LHFPL3: variants seen among roughly 807,000 people sequenced by gnomAD.
LHFPL3 encodes the protein LHFPL tetraspan subfamily member 3 protein.
LHFPL3 carries 5 observed loss-of-function variants against 19.3 expected under a neutral mutation model. The observed-to-expected ratio is 0.26, with a 90% CI of 0.14 to 0.54. The LOEUF (loss-of-function observed/expected upper bound fraction) is 0.54, where lower values mean the gene tolerates loss of function less well. Among genes scored for constraint, LHFPL3 ranks in the 20% least tolerant of loss-of-function variants. LHFPL3 has a pLI of 0.94. For synonymous variants in LHFPL3, 133 were observed against 126.2 expected, an observed-to-expected ratio of 1.05 and a Z score of -0.36; for missense variants, 249 against 307.4, an observed-to-expected ratio of 0.81 and a Z score of 1.42.
Position 104,583,820 on chromosome 7 carries a change from G to C in LHFPL3, c.446-152855G>C, listed in dbSNP as rs371254362. On this transcript the variant is annotated intron_variant, in intron 1 of 2. Coordinates refer to ENST00000424859, the MANE Select transcript of LHFPL3 (RefSeq NM_199000.3). ...AAGTCAGGAAACAACAGGTGCTGGA[G>C]AGGATGTGGAGAAATAGGAACACTT... Among the ~76,000 whole-genome samples the C allele has an allele frequency of 1.8e-3, 279 of 151,574 alleles. 2 individuals carry two copies. Among genetic ancestry groups the C allele is most frequent in the South Asian group, 8.4e-3 (40 of 4,756 alleles).
chr7:104,830,175 GTTGT>G lies in LHFPL3; in HGVS notation c.683-76005_683-76002del, dbSNP rs1220099972. 3.5e-4 allele frequency among the ~76,000 whole-genome samples: 53 copies of G among 151,970 alleles called. 2 individuals carry two copies. The South Asian group carries it at 5.2e-3, about 15-fold the overall frequency. ...TATCCTTTGCCCACTTTTTGATGGG[GTTGT>G]TTGTTTTTTTCTTGTAAATTTGTTT... On this transcript the variant is annotated intron_variant, in intron 2 of 2. Transcript: ENST00000424859.
chr7:104,808,095 T>G (rs1052297175), intron 2 of LHFPL3, among the ~76,000 whole-genome samples: 2 of 152,142 alleles, frequency 1.3e-5, no homozygotes, highest in Non-Finnish European at 2.9e-5. Flanking sequence ...AGTATTTGAC[T>G]CTCAACCTAC....
At chr7:104,558,746 T>C (rs1318823577) in intron 1 of LHFPL3, among the ~76,000 whole-genome samples, 4 of 149,534 alleles carry the variant, frequency 2.7e-5, no homozygotes, top group Non-Finnish European at 5.9e-5. Context: ...AGACATGAAG[T>C]CCTTGCCCAT....
At chr7:104,641,626 T>C (rs1791835778) in intron 1 of LHFPL3, among the ~76,000 whole-genome samples, 1 of 152,188 alleles carries the variant, frequency 6.6e-6, no homozygotes, top group Admixed American at 6.5e-5. Flanking sequence ...CTTTAGTGGA[T>C]AGTCACTCTG....
At chr7:104,826,814 T>TAGA in intron 2 of LHFPL3, 1 of 156,602 alleles carries the variant, frequency 6.4e-6, no homozygotes, top group Middle Eastern at 2.7e-3. Flanking sequence ...TCTACTTTGG[T>TAGA]GACTCTGGAA....
intron 1 of LHFPL3, among the ~76,000 whole-genome samples, chr7:104,560,130 T>A (rs1229957180): frequency 5.6e-5 from 8 of 143,590 alleles, no homozygotes; most frequent in Non-Finnish European, 1.2e-4. Flanking sequence ...AGGATATTGG[T>A]CTAAAATTCT....
At chr7:104,523,216 C>T (rs969377044) in intron 1 of LHFPL3, among the ~76,000 whole-genome samples, 1 of 152,006 alleles carries the variant, frequency 6.6e-6, no homozygotes, top group Admixed American at 6.6e-5. Flanking sequence ...ATCCTAGAAC[C>T]CTTGCCATGT....
intron 1 of LHFPL3, among the ~76,000 whole-genome samples, chr7:104,726,153 A>G (rs1292132293): frequency 6.6e-6 from 1 of 151,674 alleles, no homozygotes; most frequent in Non-Finnish European, 1.5e-5. Context: ...ATATGAACCC[A>G]TCTTTAACTA....
At chr7:104,572,130 G>T (rs1790241976) in intron 1 of LHFPL3, among the ~76,000 whole-genome samples, 1 of 152,180 alleles carries the variant, frequency 6.6e-6, no homozygotes, top group Non-Finnish European at 1.5e-5. Context: ...ATCAAAAAGT[G>T]TGGTGGTGTT....
chr7:104,861,508 C>T (rs1332583990), intron 2 of LHFPL3, among the ~76,000 whole-genome samples: 1 of 152,038 alleles, frequency 6.6e-6, no homozygotes, highest in Non-Finnish European at 1.5e-5. Context: ...CTTGGGAGAA[C>T]CTTGGAGGAT....
At chr7:104,865,661 A>T (rs953973504) in intron 2 of LHFPL3, among the ~76,000 whole-genome samples, 1 of 152,226 alleles carries the variant, frequency 6.6e-6, no homozygotes, top group African/African-American at 2.4e-5. Flanking sequence ...GCAGGATATT[A>T]TCCAGGAGAA....
chr7:104,820,463 G>A (rs1450108117), intron 2 of LHFPL3, among the ~76,000 whole-genome samples: 1 of 152,138 alleles, frequency 6.6e-6, no homozygotes, highest in Non-Finnish European at 1.5e-5. Context: ...AGATTATGTT[G>A]GCAAGGGTTG....
intron 1 of LHFPL3, among the ~76,000 whole-genome samples, chr7:104,385,592 C>T (rs937974531): frequency 6.6e-6 from 1 of 152,068 alleles, no homozygotes; most frequent in Non-Finnish European, 1.5e-5. Context: ...ACCTGAGTTC[C>T]CTGAGAGCAT....
rs567337052 is a variant in LHFPL3, at chr7:104,605,887, A to G, written c.446-130788A>G. Reference sequence around the variant, plus strand: ...TGATGGTCTGAAAAAAAAAAACAACAAGAAATATTGAAAAGCTACCCCGTC... The same window carrying G: ...TGATGGTCTGAAAAAAAAAAACAACGAGAAATATTGAAAAGCTACCCCGTC... On this transcript the variant is annotated intron_variant, in intron 1 of 2. Transcript: ENST00000424859. Among the ~76,000 whole-genome samples, 5 of 151,648 alleles carry G rather than the reference A, an allele frequency of 3.3e-5. No homozygotes were observed. The South Asian group carries it at 6.2e-4, about 19-fold the overall frequency.
chr7:104,537,735 A>G (rs1419548525), intron 1 of LHFPL3, among the ~76,000 whole-genome samples: 2 of 152,250 alleles, frequency 1.3e-5, no homozygotes, highest in Non-Finnish European at 2.9e-5. Flanking sequence ...ACAATAGATG[A>G]AGGATTATCA....
In LHFPL3 at chr7:104,578,925, C is replaced by T. The variant is rs79664834; in HGVS notation, c.446-157750C>T. 4.6e-3 allele frequency among the ~76,000 whole-genome samples: 698 copies of T among 152,286 alleles called. 35 individuals carry two copies. In the East Asian group the frequency reaches 0.099, roughly 22 times the overall value. ...TTATATTTTAAGTCTCCTAATTTGA[C>T]TTTAGGGCCTTGCCCACCAGTGTTC... On this transcript the variant is annotated intron_variant, in intron 1 of 2. Transcript: ENST00000424859.
chr7:104,349,709 C>G (rs570334603), intron 1 of LHFPL3, among the ~76,000 whole-genome samples: 1 of 152,298 alleles, frequency 6.6e-6, no homozygotes, highest in African/African-American at 2.4e-5. Flanking sequence ...TATCCCCGAA[C>G]TTAAAGTATA....
At chr7:104,863,497 G>T (rs149128515) in intron 2 of LHFPL3, among the ~76,000 whole-genome samples, 89 of 152,316 alleles carry the variant, frequency 5.8e-4, no homozygotes, top group African/African-American at 2.1e-3. Flanking sequence ...CTTGGGATCT[G>T]CATAGCAAAA....
intron 1 of LHFPL3, among the ~76,000 whole-genome samples, chr7:104,359,674 A>AG (rs1254950157): frequency 1.3e-5 from 2 of 152,180 alleles, no homozygotes; most frequent in Non-Finnish European, 2.9e-5. Context: ...TCTAGCGGGG[A>AG]GGAAATGGCA....
Sources: allele counts gnomAD v4.1 joint callset (sites outside exome capture counted in the v4.1 genomes callset), GRCh38; gene constraint gnomAD v4.1.1; transcripts MANE v1.5; gene names NCBI Gene and HGNC (gene_info 2026-07-23, HGNC 2026-07-21).